Variants in ZC3H12B observed in about 807,000 individuals in gnomAD.
ZC3H12B encodes the protein probable ribonuclease ZC3H12B.
Under a neutral mutation model 43.9 loss-of-function variants are expected in ZC3H12B, and 7 were observed. The observed-to-expected ratio is 0.16, with a 90% CI of 0.09 to 0.30. ZC3H12B has a LOEUF of 0.30. Ranked by LOEUF, ZC3H12B falls within the 10% of genes least tolerant of loss-of-function variation. The pLI is 1.00. For synonymous variants in ZC3H12B, 222 were observed against 241.7 expected (o/e 0.92, Z 0.76); for missense variants, 475 against 670.2 (o/e 0.71, Z 3.22).
At chrX:65,335,601 G>A in the ZC3H12B span, among the ~76,000 whole-genome samples, 4 of 111,199 alleles carry the variant, frequency 3.6e-5, no homozygotes, top group East Asian at 1.2e-3. Context: ...AATTGTAAAG[G>A]TCATACAGAT....
At chrX:65,118,833 T>A in the ZC3H12B span, among the ~76,000 whole-genome samples, 1 of 87,194 alleles carries the variant, frequency 1.1e-5, no homozygotes, top group Non-Finnish European at 2.2e-5. Flanking sequence ...CGGTGTGTGA[T>A]GTTCCCCTTC....
intron 3 of ZC3H12B, among the ~76,000 whole-genome samples, chrX:65,438,046 A>G (rs996632201): frequency 8.1e-5 from 9 of 110,878 alleles, no homozygotes; most frequent in African/African-American, 3.0e-4. Context: ...GTCTAGTTTT[A>G]TTTCTGGTTT....
At chrX:65,264,474 T>TA in the ZC3H12B span, among the ~76,000 whole-genome samples, 2 of 112,116 alleles carry the variant, frequency 1.8e-5, no homozygotes, top group African/African-American at 6.5e-5. Context: ...ACCTAATTTT[T>TA]ATCTATACAG....
chrX:65,074,888 C>T, the ZC3H12B span, among the ~76,000 whole-genome samples: 481 of 111,992 alleles, frequency 4.3e-3, 3 homozygotes, highest in African/African-American at 0.015. Flanking sequence ...TGTTGAGCAT[C>T]CTTATGATGG....
intron 3 of ZC3H12B, among the ~76,000 whole-genome samples, chrX:65,466,830 C>G (rs1181199550): frequency 1.1e-5 from 1 of 92,971 alleles, no homozygotes; most frequent in Non-Finnish European, 2.2e-5. Context: ...TTTTGAGCAC[C>G]TTTTCTTATA....
chrX:65,067,178 ACT>A, the ZC3H12B span, among the ~76,000 whole-genome samples: 1 of 95,214 alleles, frequency 1.1e-5, no homozygotes, highest in Non-Finnish European at 2.0e-5. Flanking sequence ...TCCAGGGGCC[ACT>A]CTGTTAAAAA....
chrX:65,209,542 G>A, the ZC3H12B span, among the ~76,000 whole-genome samples: 12 of 103,329 alleles, frequency 1.2e-4, no homozygotes, highest in Non-Finnish European at 2.0e-5. Flanking sequence ...TGGTCTGAGA[G>A]ATAGTTTGCT....
chrX:65,413,141 G>A (rs1391059306), intron 3 of ZC3H12B, among the ~76,000 whole-genome samples: 2 of 110,184 alleles, frequency 1.8e-5, no homozygotes. Flanking sequence ...TTAAAAAATC[G>A]GGCTGTTTGT....
At chrX:65,261,762 G>A in the ZC3H12B span, among the ~76,000 whole-genome samples, 3 of 110,021 alleles carry the variant, frequency 2.7e-5, no homozygotes, top group African/African-American at 9.9e-5. Context: ...TGAGTCAACT[G>A]AAAAAAAATT....
At chrX:65,104,987 A>G in the ZC3H12B span, among the ~76,000 whole-genome samples, 3 of 111,905 alleles carry the variant, frequency 2.7e-5, no homozygotes, top group African/African-American at 9.7e-5. Flanking sequence ...TACAATAGGA[A>G]AGACTTGGAG....
the ZC3H12B span, among the ~76,000 whole-genome samples, chrX:65,071,379 A>T: frequency 1.9e-5 from 2 of 106,788 alleles, no homozygotes; most frequent in African/African-American, 6.9e-5. Context: ...TCTCTTGAAA[A>T]CACCATACCA....
the ZC3H12B span, among the ~76,000 whole-genome samples, chrX:65,148,118 C>T: frequency 2.7e-5 from 3 of 111,096 alleles, no homozygotes; most frequent in African/African-American, 9.8e-5. Context: ...CAGGGACTGG[C>T]CTGGCATTGG....
chrX:65,262,652 T>C, the ZC3H12B span, among the ~76,000 whole-genome samples: 25 of 110,716 alleles, frequency 2.3e-4, no homozygotes, highest in African/African-American at 8.2e-4. Context: ...CTCACAACAT[T>C]GGAATATAAA....
the ZC3H12B span, among the ~76,000 whole-genome samples, chrX:65,141,436 T>A: frequency 9.1e-6 from 1 of 109,898 alleles, no homozygotes; most frequent in Non-Finnish European, 1.9e-5. Context: ...CTCATAATAG[T>A]GTTATTATAA....
the ZC3H12B span, among the ~76,000 whole-genome samples, chrX:65,117,368 T>G: frequency 7.9e-4 from 89 of 112,038 alleles, no homozygotes; most frequent in Non-Finnish European, 1.4e-3. Flanking sequence ...CTTTTGAGAA[T>G]TGTCTGTTCA....
chrX:65,141,574 G>A, the ZC3H12B span, among the ~76,000 whole-genome samples: 1 of 109,118 alleles, frequency 9.2e-6, no homozygotes, highest in African/African-American at 3.3e-5. Context: ...TTGGTTTCAT[G>A]AGTAAGTTCT....
At chrX:65,410,941 C>A (rs1366382924) in intron 3 of ZC3H12B, among the ~76,000 whole-genome samples, 1 of 112,267 alleles carries the variant, frequency 8.9e-6, no homozygotes, top group African/African-American at 3.2e-5. Flanking sequence ...TATGACCCAG[C>A]AATCCCACTG....
chrX:65,264,525 C>T, the ZC3H12B span, among the ~76,000 whole-genome samples: 7 of 111,750 alleles, frequency 6.3e-5, 1 homozygote, highest in African/African-American at 2.3e-4. Flanking sequence ...AGGGAAGTGG[C>T]AGACATAGAT....
the ZC3H12B span, among the ~76,000 whole-genome samples, chrX:65,079,151 C>T: frequency 1.8e-5 from 2 of 112,550 alleles, no homozygotes; most frequent in African/African-American, 6.5e-5. Flanking sequence ...TGGCTTATTT[C>T]ACTTTACATA....
Sources: allele counts gnomAD v4.1 joint callset (sites outside exome capture counted in the v4.1 genomes callset), GRCh38; gene constraint gnomAD v4.1.1; transcripts MANE v1.5; gene names NCBI Gene and HGNC (gene_info 2026-07-23, HGNC 2026-07-21).